The following BCORL1 variants were observed in gnomAD, a reference collection of about 807,000 sequenced individuals.
BCORL1 encodes the protein BCL-6 corepressor-like protein 1.
Under a neutral mutation model 87.6 loss-of-function variants are expected in BCORL1, and 7 were observed. The observed-to-expected ratio is 0.08, with a 90% CI of 0.05 to 0.15. The LOEUF is 0.15. Ranked by LOEUF, BCORL1 falls within the 10% of genes least tolerant of loss-of-function variation. The pLI is 1.00. For missense variants in BCORL1, 1,215 were observed against 1,499.7 expected, an observed-to-expected ratio of 0.81 and a Z score of 3.13; for synonymous variants, 591 against 634.4, an observed-to-expected ratio of 0.93 and a Z score of 1.03.
rs750697373 is a variant in BCORL1, at chrX:130,034,916, A to T, written c.4527+240A>T. 1.3e-4 allele frequency among the ~76,000 whole-genome samples: 15 copies of T among 111,917 alleles called. 1 individual carries two copies. The South Asian group carries it at 5.6e-3, about 42-fold the overall frequency. ...GTATCATGCAGTATATTCCTAGACC[A>T]GGAACGCAATTTTTGGATATCCACG... On this transcript the variant is annotated intron_variant, in intron 9 of 13. Transcript: ENST00000540052.
chrX:130,026,136 C>T (rs1293035565), intron 7 of BCORL1, among the ~76,000 whole-genome samples: 1 of 111,853 alleles, frequency 8.9e-6, no homozygotes, highest in Admixed American at 9.5e-5. Flanking sequence ...GCAAAAAGCA[C>T]ATCTTTGGGT....
At chrX:130,011,487 C>A (rs1399315737) in intron 2 of BCORL1, among the ~76,000 whole-genome samples, 1 of 100,835 alleles carries the variant, frequency 9.9e-6, no homozygotes, top group East Asian at 3.0e-4. Flanking sequence ...ATGCACCCAC[C>A]TCAGCTGGCC....
rs753759191 is a variant in BCORL1 at position 130,012,615 on chromosome X, G to A, written c.124G>A (p.Asp42Asn). The stretch of plus-strand genomic sequence containing the variant: ...TTCTGATGAGGAGTCAACGACAGGC[G>A]ACTGCCAGCACTTTGGATCTCAGGA... ...PLSDEESTTG[D>N]CQHFGSQEFC... Residue 42 changes from aspartate (D) to asparagine (N), a missense_variant, in exon 3 of 14, where the codon GAC (aspartate) becomes AAC (asparagine). Around this residue, in one of 5 missense-constraint regions of BCORL1, gnomAD observed 861 missense variants for 1,010.0 expected, o/e 0.85. Transcript: ENST00000540052. 1.8e-5 allele frequency: 22 copies of A among 1,211,624 alleles called. No individual in the cohort carries two copies. The East Asian group carries it at 4.1e-4, about 23-fold the overall frequency.
chrX:130,013,175 A>G lies in BCORL1; in HGVS notation c.403A>G (p.Ser135Gly). ...ATCTGACAGCGCCGAGGCCAGCAAC[A>G]GCAGGGCCGACTGCTCCTGGACTCC... ...PASDSAEASN[S>G]RADCSWTPLN... The change falls in exon 4 of 14, where the codon AGC (serine) becomes GGC (glycine). Residue 135 changes from serine (S) to glycine (G), a missense_variant. Ser to Gly is a moderately conservative substitution (Grantham distance 56). Around this residue, in one of 5 missense-constraint regions of BCORL1, gnomAD observed 861 missense variants for 1,010.0 expected, o/e 0.85. Transcript: ENST00000540052. 1 of 1,212,191 alleles carries G rather than the reference A, an allele frequency of 8.2e-7. No individual in the cohort carries two copies. The highest frequency in any genetic ancestry group is 1.7e-5 in the African/African-American group (1 of 57,958).
rs142564302 is a variant in BCORL1 at position 130,013,363 on chromosome X, T to C, written c.591T>C (p.Ser197=). The C allele has an allele frequency of 1.2e-4, 150 of 1,208,969 alleles. No homozygotes were observed. The African/African-American group carries it at 1.5e-3, about 12-fold the overall frequency. Residue 197 remains serine, a synonymous_variant, in exon 4 of 14, where the codon AGT becomes AGC. Coordinates refer to ENST00000540052, the MANE Select transcript of BCORL1 (RefSeq NM_001379451.1). The part of the protein sequence containing the change: ...GTLPLVTTNF[S]PLPAPICPPA... ...TGCCCCTGGTTACCACTAACTTCAGTCCTCTGCCAGCCCCTATCTGTCCCC... is the reference window on the plus strand; with the variant it reads ...TGCCCCTGGTTACCACTAACTTCAGCCCTCTGCCAGCCCCTATCTGTCCCC...
intron 7 of BCORL1, among the ~76,000 whole-genome samples, chrX:130,026,549 C>T (rs1930256123): frequency 8.9e-6 from 1 of 112,673 alleles, no homozygotes; most frequent in South Asian, 3.6e-4. Flanking sequence ...TTTTGTGTAT[C>T]ACCTAATCTT....
chrX:129,994,748 G>C (rs1927427633), intron 1 of BCORL1, among the ~76,000 whole-genome samples: 1 of 110,944 alleles, frequency 9.0e-6, no homozygotes, highest in South Asian at 3.8e-4. Flanking sequence ...GATACAATAT[G>C]CCTTATAAGA....
upstream of BCORL1, among the ~76,000 whole-genome samples, chrX:129,982,320 C>A (rs972464042): frequency 9.0e-6 from 1 of 111,464 alleles, no homozygotes; most frequent in African/African-American, 3.3e-5. Context: ...GGAATCCGCT[C>A]GGTCCTCTCA....
In BCORL1 at chrX:130,005,391, A is replaced by G. The variant is rs756083107; in HGVS notation, c.86+74A>G. On this transcript the variant is annotated intron_variant, in intron 2 of 13. Coordinates refer to ENST00000540052, the MANE Select transcript of BCORL1 (RefSeq NM_001379451.1). The stretch of plus-strand genomic sequence containing the variant: ...CTCGTCACCAGAGGGATAGCTGCAT[A>G]CAATAGGGCCTGGGGAGGGACCCTG... 9.0e-5 allele frequency: 86 copies of G among 959,138 alleles called. No homozygotes were observed. In the African/African-American group the frequency reaches 1.4e-3, roughly 16 times the overall value. The allele number at this position is 959,138 out of a possible 1,213,427, so 79.0% of individuals were successfully genotyped here.
At chrX:129,984,719 G>A (rs1213031050) in intron 1 of BCORL1, among the ~76,000 whole-genome samples, 1 of 111,692 alleles carries the variant, frequency 9.0e-6, no homozygotes, top group Non-Finnish European at 1.9e-5. Flanking sequence ...TGGTCGAGGG[G>A]AAAGGTGGGA....
intron 6 of BCORL1, among the ~76,000 whole-genome samples, chrX:130,023,687 G>A (rs1293185000): frequency 1.8e-5 from 2 of 112,204 alleles, no homozygotes; most frequent in African/African-American, 6.5e-5. Flanking sequence ...TGGCCTGGAG[G>A]CCTTACAAAA....
At chrX:130,047,885 A>G (rs1302630611) in intron 11 of BCORL1, among the ~76,000 whole-genome samples, 1 of 111,757 alleles carries the variant, frequency 8.9e-6, no homozygotes, top group Non-Finnish European at 1.9e-5. Flanking sequence ...ATAATCTCCC[A>G]TGACACCTAA....
In BCORL1 at chrX:130,014,172, C is replaced by T. The variant is rs1929219552; in HGVS notation, c.1400C>T (p.Pro467Leu). Residue 467 changes from proline to leucine, a missense_variant, in exon 4 of 14, where the codon CCA becomes CTA. Pro to Leu is a moderately conservative substitution (Grantham distance 98). Transcript: ENST00000540052. ...CAGCCACTCAGTGTGGCCACACTGCCAACCACTCTAGGGGTTTCCTCCACT... is the reference window on the plus strand; with the variant it reads ...CAGCCACTCAGTGTGGCCACACTGCTAACCACTCTAGGGGTTTCCTCCACT... The part of the protein sequence containing the change: ...CGQPLSVATL[P>L]TTLGVSSTLT... 8.3e-7 allele frequency: 1 copy of T among 1,208,926 alleles called. No individual in the cohort carries two copies. Among genetic ancestry groups the T allele is most frequent in the Admixed American group, 2.2e-5 (1 of 45,731 alleles).
intron 8 of BCORL1, among the ~76,000 whole-genome samples, chrX:130,033,856 C>G (rs1569382216): frequency 9.0e-6 from 1 of 110,739 alleles, no homozygotes; most frequent in Non-Finnish European, 1.9e-5. Context: ...GTGGCGCATA[C>G]CTGTAATCCC....
chrX:130,012,210 A>G (rs1395680028), intron 2 of BCORL1, among the ~76,000 whole-genome samples: 1 of 111,946 alleles, frequency 8.9e-6, no homozygotes, highest in Non-Finnish European at 1.9e-5. Context: ...AGTGGTTCTC[A>G]TGTCTCCCCT....
In BCORL1 at chrX:130,015,574, A is replaced by C; in HGVS notation, c.2802A>C (p.Ala934=). 2.5e-6 allele frequency: 3 copies of C among 1,212,395 alleles called. No individual in the cohort carries two copies. Among genetic ancestry groups the C allele is most frequent in the Non-Finnish European group, 3.3e-6 (3 of 895,634 alleles). ...LTLSPQTGTL[A]LSVQPSGGDI... is the part of the protein sequence containing the mutation. The stretch of plus-strand genomic sequence containing the variant: ...TCAGCCCTCAGACTGGGACCCTGGC[A>C]CTGTCTGTTCAGCCTAGCGGTGGGG... Residue 934 remains alanine, a synonymous_variant, in exon 4 of 14, where the codon GCA becomes GCC. Coordinates refer to ENST00000540052, the MANE Select transcript of BCORL1 (RefSeq NM_001379451.1).
chrX:130,052,635 G>A (rs765355277), intron 13 of BCORL1, among the ~76,000 whole-genome samples: 5 of 112,326 alleles, frequency 4.5e-5, no homozygotes, highest in South Asian at 3.6e-4. Context: ...TTCGACAGCC[G>A]GCAGGGCCAT....
intron 1 of BCORL1, among the ~76,000 whole-genome samples, chrX:129,999,132 G>A (rs1468746542): frequency 2.0e-5 from 2 of 101,798 alleles, no homozygotes; most frequent in African/African-American, 7.2e-5. Flanking sequence ...CCAAATGCCA[G>A]TGTTCCCCCT....
At chrX:129,990,264 C>T (rs1342853870) in intron 1 of BCORL1, among the ~76,000 whole-genome samples, 1 of 110,903 alleles carries the variant, frequency 9.0e-6, no homozygotes, top group Non-Finnish European at 1.9e-5. Flanking sequence ...TGGAGTCTCG[C>T]TCTTTTGCCC....
Sources: gnomAD v4.1 joint callset for allele counts (sites outside exome capture counted in the v4.1 genomes callset) on GRCh38, gnomAD v4.1.1 for gene constraint, gnomAD v4.1.1 regional missense constraint, MANE v1.5 for transcripts, NCBI Gene and HGNC (gene_info 2026-07-23, HGNC 2026-07-21) for gene names.